Variants in CACNA2D3 observed in about 807,000 individuals in gnomAD.
The protein encoded by CACNA2D3 is voltage-dependent calcium channel subunit alpha-2/delta-3.
A neutral mutation model predicts 160.6 loss-of-function variants in CACNA2D3; 60 were observed. That is an observed-to-expected ratio of 0.37 (90% CI 0.30 to 0.46). The LOEUF (loss-of-function observed/expected upper bound fraction) is 0.46, where lower values mean the gene tolerates loss of function less well. Ranked by LOEUF, CACNA2D3 falls within the 20% of genes least tolerant of loss-of-function variation. CACNA2D3 has a pLI of 1.00. For missense variants in CACNA2D3, 1,205 were observed against 1,365.0 expected, an observed-to-expected ratio of 0.88 and a Z score of 1.85; for synonymous variants, 558 against 492.9, an observed-to-expected ratio of 1.13 and a Z score of -1.75.
At chr3:54,376,947 A>G (rs975065519) in intron 3 of CACNA2D3, among the ~76,000 whole-genome samples, 3 of 152,224 alleles carry the variant, frequency 2.0e-5, no homozygotes, top group African/African-American at 7.2e-5. Context: ...TCAAATTTAT[A>G]TAAAAATCCA....
intron 16 of CACNA2D3, among the ~76,000 whole-genome samples, chr3:54,842,425 A>G (rs934341956): frequency 6.6e-6 from 1 of 152,180 alleles, no homozygotes; most frequent in African/African-American, 2.4e-5. Flanking sequence ...TGTCTAAAAT[A>G]CACAAACTGT....
At chr3:54,387,981 T>C (rs1699218474) in intron 4 of CACNA2D3, among the ~76,000 whole-genome samples, 1 of 152,252 alleles carries the variant, frequency 6.6e-6, no homozygotes, top group Admixed American at 6.5e-5. Context: ...TGTGTCCTTG[T>C]CATCACCCTC....
At chr3:54,753,256 C>T (rs1575458299) in intron 12 of CACNA2D3, among the ~76,000 whole-genome samples, 2 of 152,328 alleles carry the variant, frequency 1.3e-5, no homozygotes, top group Non-Finnish European at 1.5e-5. Context: ...ATGGCAGAGA[C>T]ATTTACTGTG....
At chr3:54,376,536 A>C (rs1265918712) in intron 3 of CACNA2D3, among the ~76,000 whole-genome samples, 1 of 152,180 alleles carries the variant, frequency 6.6e-6, no homozygotes, top group East Asian at 1.9e-4. Flanking sequence ...AGGCAGTGTG[A>C]AGCTCAATAA....
chr3:54,912,797 C>T (rs1412814493), intron 27 of CACNA2D3, among the ~76,000 whole-genome samples: 1 of 152,126 alleles, frequency 6.6e-6, no homozygotes, highest in Non-Finnish European at 1.5e-5. Context: ...TTCTTGTTCA[C>T]TCCTTTAGCC....
intron 2 of CACNA2D3, among the ~76,000 whole-genome samples, chr3:54,133,954 A>G (rs1316119703): frequency 6.6e-6 from 1 of 152,190 alleles, no homozygotes; most frequent in African/African-American, 2.4e-5. Context: ...AGGGAGGATT[A>G]AGTACGGAGG....
chr3:54,676,420 G>A (rs1438383513), intron 11 of CACNA2D3, among the ~76,000 whole-genome samples: 2 of 152,112 alleles, frequency 1.3e-5, no homozygotes. Flanking sequence ...ACCTCTGTAG[G>A]CTCTGACTAG....
intron 5 of CACNA2D3, among the ~76,000 whole-genome samples, chr3:54,546,050 C>T (rs539646971): frequency 3.3e-5 from 5 of 152,070 alleles, no homozygotes; most frequent in African/African-American, 9.7e-5. Context: ...TATTCTGCCT[C>T]GGTAGGGTTA....
chr3:54,478,324 A>G (rs974571623), intron 4 of CACNA2D3, among the ~76,000 whole-genome samples: 3 of 152,124 alleles, frequency 2.0e-5, no homozygotes, highest in Non-Finnish European at 4.4e-5. Context: ...GGCAAATTCC[A>G]GAAATAATTC....
intron 27 of CACNA2D3, among the ~76,000 whole-genome samples, chr3:54,945,855 T>C (rs1251113282): frequency 6.6e-6 from 1 of 152,156 alleles, no homozygotes; most frequent in African/African-American, 2.4e-5. Context: ...CAGTGGGCAA[T>C]GCAGCAAAGC....
At chr3:54,669,135 G>A (rs1396584578) in intron 11 of CACNA2D3, among the ~76,000 whole-genome samples, 1 of 152,206 alleles carries the variant, frequency 6.6e-6, no homozygotes, top group Non-Finnish European at 1.5e-5. Context: ...TCATGAGCAT[G>A]CTACTGTACA....
At chr3:54,981,121 A>T (rs1702497581) in intron 29 of CACNA2D3, among the ~76,000 whole-genome samples, 1 of 152,260 alleles carries the variant, frequency 6.6e-6, no homozygotes, top group South Asian at 2.1e-4. Context: ...GAGAAAGCAC[A>T]GTCACATGGT....
At chr3:54,288,268 A>C (rs995696358) in intron 2 of CACNA2D3, among the ~76,000 whole-genome samples, 2 of 152,224 alleles carry the variant, frequency 1.3e-5, no homozygotes, top group Non-Finnish European at 2.9e-5. Context: ...AGAAATACAA[A>C]CTACCATCAG....
At chr3:54,486,070 A>G (rs1253218982) in intron 4 of CACNA2D3, among the ~76,000 whole-genome samples, 3 of 152,216 alleles carry the variant, frequency 2.0e-5, no homozygotes, top group Non-Finnish European at 4.4e-5. Flanking sequence ...ATAGACAGGG[A>G]GAAGCTGTGA....
intron 9 of CACNA2D3, among the ~76,000 whole-genome samples, chr3:54,601,220 T>C (rs1703053978): frequency 6.6e-6 from 1 of 152,194 alleles, no homozygotes; most frequent in Admixed American, 6.5e-5. Flanking sequence ...GTTTTCTTTG[T>C]AGAGACAGTA....
intron 3 of CACNA2D3, among the ~76,000 whole-genome samples, chr3:54,382,813 A>G (rs1699126147): frequency 6.6e-6 from 1 of 152,102 alleles, no homozygotes; most frequent in Non-Finnish European, 1.5e-5. Context: ...GCAAAACAAA[A>G]CACAGTAGAA....
At chr3:54,971,911 GA>G (rs1421049738) in intron 29 of CACNA2D3, among the ~76,000 whole-genome samples, 1 of 152,180 alleles carries the variant, frequency 6.6e-6, no homozygotes, top group Admixed American at 6.5e-5. Flanking sequence ...CCACCTCACA[GA>G]GTAATGGTGA....
chr3:54,360,485 G>C (rs1177449833), intron 3 of CACNA2D3, among the ~76,000 whole-genome samples: 1 of 152,158 alleles, frequency 6.6e-6, no homozygotes, highest in Non-Finnish European at 1.5e-5. Flanking sequence ...TTCCTGGTAG[G>C]CTCTGTTATC....
rs183927029 is a variant in CACNA2D3, at chr3:55,003,133, T to A, written c.2691-1630T>A. ...AGCACAGCAGTAAGTGCACTCAACA[T>A]TAACCATTGTAGTATTCTAGAAAGG... On this transcript the variant is annotated intron_variant, in intron 31 of 37. Coordinates refer to ENST00000474759, the MANE Select transcript of CACNA2D3 (RefSeq NM_018398.3). 3.3e-5 allele frequency among the ~76,000 whole-genome samples: 5 copies of A among 152,336 alleles called. No homozygotes were observed. In the East Asian group the frequency reaches 9.7e-4, roughly 29 times the overall value.
Sources: gnomAD v4.1 joint callset for allele counts (sites outside exome capture counted in the v4.1 genomes callset) on GRCh38, gnomAD v4.1.1 for gene constraint, MANE v1.5 for transcripts, NCBI Gene and HGNC (gene_info 2026-07-23, HGNC 2026-07-21) for gene names.